Variants in PIGN observed in about 807,000 individuals in gnomAD.
PIGN encodes phosphatidylinositol glycan anchor biosynthesis class N.
Under a neutral mutation model 125.4 loss-of-function variants are expected in PIGN, and 117 were observed. The observed-to-expected ratio is 0.93, with a 90% CI of 0.80 to 1.09. PIGN has a LOEUF of 1.09. Among genes scored for constraint, PIGN ranks in the 50% least tolerant of loss-of-function variants. PIGN has a pLI of 0.00. For missense variants in PIGN, 1,075 were observed against 1,094.9 expected (o/e 0.98, Z 0.26); for synonymous variants, 392 against 377.8 (o/e 1.04, Z -0.44).
At chr18:62,094,004 C>T (rs1169643967) in intron 23 of PIGN, among the ~76,000 whole-genome samples, 3 of 151,616 alleles carry the variant, frequency 2.0e-5, no homozygotes, top group African/African-American at 4.8e-5. Flanking sequence ...TTATATAGTG[C>T]CTTATTATTC....
At chr18:62,167,155 C>A (rs180998116) in intron 1 of PIGN, among the ~76,000 whole-genome samples, 2 of 152,008 alleles carry the variant, frequency 1.3e-5, no homozygotes, top group Non-Finnish European at 2.9e-5. Flanking sequence ...CGTTCTCTCC[C>A]GTATGCCTTG....
chr18:62,122,450 G>T (rs1488241245), intron 14 of PIGN, among the ~76,000 whole-genome samples: 1 of 151,826 alleles, frequency 6.6e-6, no homozygotes, highest in East Asian at 1.9e-4. Flanking sequence ...ATTTTTATCA[G>T]TTCCCTCTTA....
intron 18 of PIGN, 43 bp downstream of exon 18, chr18:62,106,943 A>G (rs750664602): frequency 1.3e-6 from 2 of 1,531,940 alleles, no homozygotes; most frequent in Non-Finnish European, 1.8e-6. Flanking sequence ...TTACAAATAT[A>G]TAAAAGAAAT....
Position 62,167,627 on chromosome 18 carries a change from G to A in PIGN, c.-235-3971C>T, listed in dbSNP as rs534216607. On this transcript the variant is annotated intron_variant, in intron 1 of 30. Transcript: ENST00000640252. ...AGCCTGAGCAACAGAGTGAAACTCC[G>A]TCTCAAAAAAAAAAAACAAAAAAAA... Among the ~76,000 whole-genome samples, 10 of 107,110 alleles carry A rather than the reference G, an allele frequency of 9.3e-5. No homozygotes were observed. In the South Asian group the frequency reaches 1.9e-3, roughly 20 times the overall value. 70.3% of individuals were successfully genotyped at this position (107,110 alleles called of 152,430 possible).
chr18:62,157,708 C>A lies in PIGN; in HGVS notation c.322G>T (p.Asp108Tyr). Reference protein sequence around the residue: ...HVALIAGFYEDVSAVAKGWKE... With the variant: ...HVALIAGFYEYVSAVAKGWKE... ...ATACCTTTGGCAACTGCACTGACAT[C>A]TTCATAAAACCCAGCTATCAGAGCT... is the stretch of plus-strand genomic sequence containing the variant. The change falls in exon 5 of 31, where the codon GAT (aspartate) becomes TAT (tyrosine). Residue 108 changes from aspartate (D) to tyrosine (Y), a missense_variant. Asp to Tyr is a radical substitution (Grantham distance 160, BLOSUM62 -3). This residue lies in a region of PIGN where 152 missense variants were observed against 162.9 expected (regional missense o/e 0.93). Coordinates refer to ENST00000640252, the MANE Select transcript of PIGN (RefSeq NM_176787.5). The A allele has an allele frequency of 1.2e-6, 2 of 1,611,696 alleles. No individual in the cohort carries two copies. Among genetic ancestry groups the A allele is most frequent in the Non-Finnish European group, 1.7e-6 (2 of 1,178,758 alleles).
At chr18:62,179,178 A>C (rs904708793) in intron 1 of PIGN, among the ~76,000 whole-genome samples, 2 of 152,208 alleles carry the variant, frequency 1.3e-5, no homozygotes, top group Non-Finnish European at 2.9e-5. Context: ...GGGTACTGTC[A>C]ACATGACTTA....
intron 3 of PIGN, 117 bp from the exon 4 acceptor site, chr18:62,161,502 C>T: frequency 1.8e-6 from 1 of 548,950 alleles, no homozygotes; most frequent in African/African-American, 1.9e-5. Flanking sequence ...ATATAACTCA[C>T]AACTTTACTT....
At chr18:62,065,461 G>A (rs538217247) in intron 30 of PIGN, among the ~76,000 whole-genome samples, 3 of 152,240 alleles carry the variant, frequency 2.0e-5, no homozygotes, top group Admixed American at 6.5e-5. Flanking sequence ...AGGCTTGGCG[G>A]GGCGTGGTGG....
chr18:62,161,644 A>G (rs2036957297), intron 3 of PIGN, among the ~76,000 whole-genome samples: 1 of 152,206 alleles, frequency 6.6e-6, no homozygotes, highest in South Asian at 2.1e-4. Context: ...ATAAACTATA[A>G]TGAATTTAAC....
chr18:62,036,280 A>AT (rs1194882249), downstream of PIGN, among the ~76,000 whole-genome samples: 2 of 148,298 alleles, frequency 1.3e-5, no homozygotes, highest in Non-Finnish European at 3.0e-5. Context: ...TTTTTTAAAG[A>AT]TTTTTTTAGA....
intron 30 of PIGN, among the ~76,000 whole-genome samples, chr18:62,068,709 T>G (rs1465724677): frequency 6.6e-6 from 1 of 152,194 alleles, no homozygotes; most frequent in Non-Finnish European, 1.5e-5. Context: ...CGCTTGATTT[T>G]CACAATACTG....
intron 1 of PIGN, among the ~76,000 whole-genome samples, chr18:62,182,211 A>T (rs2037742610): frequency 6.6e-6 from 1 of 152,186 alleles, no homozygotes; most frequent in Admixed American, 6.5e-5. Flanking sequence ...GGCAAGTTTC[A>T]TCATATCTGT....
At chr18:62,140,312 T>C (rs1336228151) in intron 12 of PIGN, 108 bp downstream of exon 12, 1 of 509,286 alleles carries the variant, frequency 2.0e-6, no homozygotes, top group Admixed American at 3.7e-5. Context: ...CAAGACCCCA[T>C]CTAAAAAAAA....
At chr18:62,175,204 T>C (rs996838211) in intron 1 of PIGN, among the ~76,000 whole-genome samples, 2 of 151,418 alleles carry the variant, frequency 1.3e-5, no homozygotes, top group African/African-American at 2.4e-5. Context: ...CCTAAGTCCA[T>C]TATTTTTCAC....
rs751485479 is a variant in PIGN, at chr18:62,090,556, C to T, written c.2203G>A (p.Val735Met). Reference protein sequence around the residue: ...STGYEALFPLVLSCLMFVWIN... With the variant: ...STGYEALFPLMLSCLMFVWIN... ...CAGACAAACATCAAACAAGACAACA[C>T]TAGTGGAAAGAGAGCTTCATACCTA... Residue 735 changes from valine (V) to methionine (M), a missense_variant, in exon 24 of 31, where the codon GTG (valine) becomes ATG (methionine). Physicochemically the swap from Val to Met is conservative, Grantham distance 21. This residue lies in a region of PIGN where 915 missense variants were observed against 908.7 expected (regional missense o/e 1.01). Transcript: ENST00000640252. 24 of 1,607,438 alleles carry T rather than the reference C, an allele frequency of 1.5e-5. 1 individual carries two copies. The highest frequency in any genetic ancestry group is 6.7e-5 in the Admixed American group (4 of 59,734).
chr18:62,063,763 T>C (rs897120130), intron 30 of PIGN, among the ~76,000 whole-genome samples: 21 of 149,870 alleles, frequency 1.4e-4, no homozygotes, highest in Non-Finnish European at 1.0e-4. Context: ...AAAGGATGAG[T>C]TCGTGTACTT....
chr18:62,084,236 C>T (rs983772671), intron 27 of PIGN, among the ~76,000 whole-genome samples: 4 of 152,194 alleles, frequency 2.6e-5, no homozygotes, highest in African/African-American at 9.7e-5. Flanking sequence ...GAACCTTATA[C>T]TCTTTAGCAG....
chr18:62,072,165 T>C (rs2032917158), intron 30 of PIGN, among the ~76,000 whole-genome samples: 4 of 151,108 alleles, frequency 2.6e-5, no homozygotes, highest in African/African-American at 9.7e-5. Context: ...AATTTTAAAA[T>C]AGAAAAGAGC....
rs373385473 is a variant in PIGN, at chr18:62,114,359, C to CAA, written c.1251+200_1251+201dup. On this transcript the variant is annotated intron_variant, in intron 15 of 30. Coordinates refer to ENST00000640252, the MANE Select transcript of PIGN (RefSeq NM_176787.5). Reference sequence around the variant, plus strand: ...CCTGGGCAACAGCGACACTCTGTCTCAAAAAAAAAAAAAAAAATTTACCCA... The same window carrying CAA: ...CCTGGGCAACAGCGACACTCTGTCTCAAAAAAAAAAAAAAAAAAATTTACCCA... Among the ~76,000 whole-genome samples the CAA allele has an allele frequency of 0.2, 22,743 of 111,074 alleles. 2,412 individuals carry two copies. Among genetic ancestry groups the CAA allele is most frequent in the Middle Eastern group, 0.34 (73 of 212 alleles). 72.9% of individuals were successfully genotyped at this position (111,074 alleles called of 152,430 possible).
Sources: gnomAD v4.1 joint callset for allele counts (sites outside exome capture counted in the v4.1 genomes callset) on GRCh38, gnomAD v4.1.1 for gene constraint, gnomAD v4.1.1 regional missense constraint, MANE v1.5 for transcripts, NCBI Gene and HGNC (gene_info 2026-07-23, HGNC 2026-07-21) for gene names.